Variants in STK33 observed in about 807,000 individuals in gnomAD.
STK33 encodes serine/threonine kinase 33.
Under a neutral mutation model 58.0 loss-of-function variants are expected in STK33, and 52 were observed. The observed-to-expected ratio is 0.90, with a 90% CI of 0.72 to 1.13. The LOEUF is 1.13. STK33 is among the 50% of genes most tolerant of loss of function. The pLI is 0.00. For synonymous variants in STK33, 215 were observed against 200.1 expected (o/e 1.07, Z -0.63); for missense variants, 630 against 604.2 (o/e 1.04, Z -0.45).
chr11:8,370,982 T>C, the STK33 span, among the ~76,000 whole-genome samples: 1 of 152,118 alleles, frequency 6.6e-6, no homozygotes. Flanking sequence ...GCGGGGCTGT[T>C]TGCCCTGGAC....
chr11:8,518,596 A>G (rs1953051960), intron 1 of STK33, among the ~76,000 whole-genome samples: 1 of 152,246 alleles, frequency 6.6e-6, no homozygotes, highest in South Asian at 2.1e-4. Context: ...CAGGAGACCC[A>G]TCTCACATGC....
intron 1 of STK33, among the ~76,000 whole-genome samples, chr11:8,488,096 A>G (rs1180738619): frequency 1.3e-5 from 2 of 152,146 alleles, no homozygotes; most frequent in Non-Finnish European, 2.9e-5. Flanking sequence ...AACTGTCATT[A>G]TTTTACCATC....
At chr11:8,581,702 G>T (rs2030310107) in intron 1 of STK33, among the ~76,000 whole-genome samples, 1 of 152,196 alleles carries the variant, frequency 6.6e-6, no homozygotes, top group African/African-American at 2.4e-5. Context: ...TAATTTATTG[G>T]CAGGATAACT....
chr11:8,464,567 A>G (rs1404901815), intron 7 of STK33, 142 bp downstream of exon 7: 1 of 477,430 alleles, frequency 2.1e-6, no homozygotes, highest in African/African-American at 2.0e-5. Context: ...GGCTAGAGAA[A>G]TGCCACGCTT....
chr11:8,424,749 G>A (rs143415626), intron 14 of STK33, among the ~76,000 whole-genome samples: 51,348 of 138,312 alleles, frequency 0.37, 10,816 homozygotes, highest in South Asian at 0.51. Flanking sequence ...GTGATGATGA[G>A]CATTTTTTCA....
chr11:8,456,324 AATGAGGTAAC>A lies in STK33; in HGVS notation c.697+1007_697+1016del, dbSNP rs571229793. On this transcript the variant is annotated intron_variant, in intron 9 of 15. Coordinates refer to ENST00000687296, the MANE Select transcript of STK33 (RefSeq NM_001352389.2). Reference sequence around the variant, plus strand: ...AATTCTTTCCTGACTTTCCAAGCCAAATGAGGTAACTTAAACTCCTGTAATCCTTGTGCTT... The same window carrying A: ...AATTCTTTCCTGACTTTCCAAGCCAATTAAACTCCTGTAATCCTTGTGCTT... 1.4e-3 allele frequency among the ~76,000 whole-genome samples: 219 copies of A among 152,296 alleles called. 2 individuals carry two copies. Among genetic ancestry groups the A allele is most frequent in the African/African-American group, 5.1e-3 (214 of 41,556 alleles).
intron 1 of STK33, among the ~76,000 whole-genome samples, chr11:8,584,454 AGCTGCT>A (rs1374155322): frequency 6.6e-6 from 1 of 152,178 alleles, no homozygotes. Flanking sequence ...AGAACTCCTG[AGCTGCT>A]GGGCCACTCC....
At chr11:8,352,358 G>T in the STK33 span, among the ~76,000 whole-genome samples, 10,882 of 152,136 alleles carry the variant, frequency 0.072, 423 homozygotes, top group African/African-American at 0.089. Flanking sequence ...GTAGGAGAGG[G>T]TTTCCCAGGA....
At chr11:8,453,439 G>A (rs1946516004) in intron 10 of STK33, among the ~76,000 whole-genome samples, 1 of 151,206 alleles carries the variant, frequency 6.6e-6, no homozygotes. Context: ...TGTTTCCTTT[G>A]TGTTTCTAGA....
intron 1 of STK33, among the ~76,000 whole-genome samples, chr11:8,562,200 T>C (rs1275683012): frequency 6.6e-6 from 1 of 152,200 alleles, no homozygotes; most frequent in Non-Finnish European, 1.5e-5. Context: ...CTAGCTTTGG[T>C]TTGCTAATTT....
At chr11:8,564,777 T>A (rs910065137) in intron 1 of STK33, among the ~76,000 whole-genome samples, 1 of 152,098 alleles carries the variant, frequency 6.6e-6, no homozygotes, top group African/African-American at 2.4e-5. Context: ...AGCGCCACCA[T>A]CAACATGGAG....
the STK33 span, among the ~76,000 whole-genome samples, chr11:8,360,131 T>C: frequency 1.3e-5 from 2 of 152,244 alleles, no homozygotes; most frequent in Admixed American, 6.5e-5. Context: ...GATGCAGGTA[T>C]CTGTAAATTC....
At chr11:8,464,231 C>T (rs1947900900) in intron 7 of STK33, among the ~76,000 whole-genome samples, 1 of 152,010 alleles carries the variant, frequency 6.6e-6, no homozygotes, top group African/African-American at 2.4e-5. Flanking sequence ...AAGAGTATAG[C>T]AGTAGTTAGT....
chr11:8,512,562 G>A (rs1221793856), intron 1 of STK33, among the ~76,000 whole-genome samples: 2 of 152,130 alleles, frequency 1.3e-5, no homozygotes, highest in Non-Finnish European at 2.9e-5. Flanking sequence ...TGTGGAGGCA[G>A]GAGGTCAAAA....
At chr11:8,514,861 C>T (rs1220054897) in intron 1 of STK33, among the ~76,000 whole-genome samples, 2 of 152,170 alleles carry the variant, frequency 1.3e-5, no homozygotes, top group African/African-American at 4.8e-5. Flanking sequence ...GGAATATAAA[C>T]TCACCAACTG....
chr11:8,593,844 C>A (rs2033003807), intron 1 of STK33: 1 of 152,412 alleles, frequency 6.6e-6, no homozygotes, highest in Non-Finnish European at 1.5e-5. Flanking sequence ...GAGACCACCC[C>A]AAATACCGGA....
intron 6 of STK33, chr11:8,465,665 G>C (rs1227264505): frequency 1.3e-5 from 2 of 152,226 alleles, no homozygotes; most frequent in African/African-American, 2.4e-5. Flanking sequence ...GAGAGCAGCT[G>C]AACTAATGCC....
chr11:8,437,423 A>G (rs540116419), intron 12 of STK33, among the ~76,000 whole-genome samples: 22 of 152,200 alleles, frequency 1.4e-4, no homozygotes, highest in Non-Finnish European at 1.9e-4. Flanking sequence ...AATCCTATAG[A>G]TAACAACCAG....
intron 1 of STK33, among the ~76,000 whole-genome samples, chr11:8,489,257 C>CAAAAAAAAAAAAAAAAAAAAAAAAAAA (rs377017514): frequency 1.6e-5 from 1 of 64,360 alleles, no homozygotes; most frequent in Non-Finnish European, 2.9e-5. Flanking sequence ...AAGCTATCTC[C>CAAAAAAAAAAAAAAAAAAAAAAAAAAA]AAAAAAAAAA....
Sources: gnomAD v4.1 joint callset for allele counts (sites outside exome capture counted in the v4.1 genomes callset) on GRCh38, gnomAD v4.1.1 for gene constraint, MANE v1.5 for transcripts, NCBI Gene and HGNC (gene_info 2026-07-23, HGNC 2026-07-21) for gene names.